Variants in PAPPA2 observed in about 807,000 individuals in gnomAD.
The protein encoded by PAPPA2 is pappalysin 2, also known as pappalysin-2.
A neutral mutation model predicts 176.4 loss-of-function variants in PAPPA2; 86 were observed. The observed-to-expected ratio is 0.49, with a 90% confidence interval of 0.41 to 0.58. The LOEUF (loss-of-function observed/expected upper bound fraction) is 0.58. PAPPA2 is among the 20% of genes least tolerant of loss of function. The pLI, the probability that PAPPA2 is intolerant of heterozygous loss-of-function variation, is 0.00. For synonymous variants in PAPPA2, 809 were observed against 852.2 expected (o/e 0.95, Z 0.88); for missense variants, 2,073 against 2,256.9 (o/e 0.92, Z 1.65).
At chr1:176,743,673 A>G (rs1662782998) in intron 14 of PAPPA2, among the ~76,000 whole-genome samples, 1 of 152,188 alleles carries the variant, frequency 6.6e-6, no homozygotes. Context: ...CCAATATGTT[A>G]ACATACCTAA....
chr1:176,609,891 G>A (rs527459780), intron 3 of PAPPA2, among the ~76,000 whole-genome samples: 28 of 152,288 alleles, frequency 1.8e-4, no homozygotes, highest in African/African-American at 6.7e-4. Flanking sequence ...TGGATTCAGT[G>A]GTGGATTTGA....
chr1:176,660,893 T>C (rs1658322874), intron 3 of PAPPA2, among the ~76,000 whole-genome samples: 2 of 152,160 alleles, frequency 1.3e-5, no homozygotes, highest in Non-Finnish European at 2.9e-5. Flanking sequence ...CTCACTAATT[T>C]ATAGTTTCCA....
At chr1:176,735,920 T>C (rs1662392560) in intron 12 of PAPPA2, among the ~76,000 whole-genome samples, 1 of 152,156 alleles carries the variant, frequency 6.6e-6, no homozygotes, top group Non-Finnish European at 1.5e-5. Flanking sequence ...CTACCTGATA[T>C]CTAGCTAAAG....
intron 2 of PAPPA2, among the ~76,000 whole-genome samples, chr1:176,588,075 C>G (rs1186798722): frequency 1.3e-5 from 2 of 152,200 alleles, no homozygotes; most frequent in South Asian, 2.1e-4. Context: ...TTTGTGTCCT[C>G]TCTTATATCC....
chr1:176,602,442 A>G (rs10798463), intron 3 of PAPPA2, among the ~76,000 whole-genome samples: 36,901 of 152,080 alleles, frequency 0.24, 4,498 homozygotes, highest in South Asian at 0.34. Context: ...GGAACAGGTG[A>G]AGAAGTTGAT....
chr1:176,636,042 C>A (rs996170583), intron 3 of PAPPA2, among the ~76,000 whole-genome samples: 2 of 150,814 alleles, frequency 1.3e-5, no homozygotes, highest in African/African-American at 4.9e-5. Context: ...CAGTAAATAA[C>A]ATGAAACAGC....
intron 12 of PAPPA2, 85 bp downstream of exon 12, chr1:176,712,066 G>A (rs534022257): frequency 7.0e-7 from 1 of 1,437,536 alleles, no homozygotes; most frequent in Non-Finnish European, 9.4e-7. Context: ...TGTAAATGGT[G>A]CATTTGGATG....
intron 21 of PAPPA2, among the ~76,000 whole-genome samples, chr1:176,821,958 T>C (rs1666682577): frequency 6.6e-6 from 1 of 152,214 alleles, no homozygotes; most frequent in Admixed American, 6.5e-5. Flanking sequence ...AGCATCAGGT[T>C]TGAAATCTAG....
rs187950455 is a variant in PAPPA2, at chr1:176,473,491, T to G, written c.-917+10073T>G. Among the ~76,000 whole-genome samples, 75 of 152,360 alleles carry G rather than the reference T, an allele frequency of 4.9e-4. No homozygotes were observed. The East Asian group carries it at 0.014, about 28-fold the overall frequency. On this transcript the variant is annotated intron_variant, in intron 1 of 22. Transcript: ENST00000367662. Reference sequence around the variant, plus strand: ...ATTGTGAATAAAGCTGCTATAAGCATCTGTGTGCCCATTTTTGTGTAGATG... The same window carrying G: ...ATTGTGAATAAAGCTGCTATAAGCAGCTGTGTGCCCATTTTTGTGTAGATG...
intron 3 of PAPPA2, among the ~76,000 whole-genome samples, chr1:176,632,528 C>CA (rs530773141): frequency 1.5e-4 from 23 of 150,752 alleles, no homozygotes; most frequent in African/African-American, 4.6e-4. Flanking sequence ...AACTCCGTCT[C>CA]AAAAAAAATA....
At chr1:176,629,070 A>C (rs1003012472) in intron 3 of PAPPA2, among the ~76,000 whole-genome samples, 2 of 152,212 alleles carry the variant, frequency 1.3e-5, no homozygotes, top group African/African-American at 4.8e-5. Flanking sequence ...CATTTACTCC[A>C]ATAACTCCCT....
intron 20 of PAPPA2, among the ~76,000 whole-genome samples, chr1:176,797,865 T>C (rs1195224463): frequency 5.9e-5 from 9 of 152,166 alleles, no homozygotes; most frequent in African/African-American, 9.7e-5. Flanking sequence ...CATATACATA[T>C]ATTTATAAAT....
At chr1:176,544,268 C>A (rs142495271) in intron 1 of PAPPA2, among the ~76,000 whole-genome samples, 1 of 152,156 alleles carries the variant, frequency 6.6e-6, no homozygotes, top group African/African-American at 2.4e-5. Flanking sequence ...CAAGTGTCAA[C>A]GCTTGCATAC....
chr1:176,725,154 AC>A (rs1553398538), intron 12 of PAPPA2, among the ~76,000 whole-genome samples: 1 of 152,170 alleles, frequency 6.6e-6, no homozygotes, highest in Non-Finnish European at 1.5e-5. Flanking sequence ...CTATATCTCA[AC>A]GAAATTATAT....
At chr1:176,775,194 T>C (rs890567419) in intron 17 of PAPPA2, among the ~76,000 whole-genome samples, 1 of 152,156 alleles carries the variant, frequency 6.6e-6, no homozygotes, top group Non-Finnish European at 1.5e-5. Flanking sequence ...GAATAGACCA[T>C]GAATATTTTG....
chr1:176,793,733 A>AT (rs1298405071), intron 20 of PAPPA2, 64 bp downstream of exon 20: 7 of 1,289,160 alleles, frequency 5.4e-6, no homozygotes, highest in Non-Finnish European at 1.1e-6. Context: ...TTGGAGCATT[A>AT]TTTTTTGGAG....
intron 20 of PAPPA2, among the ~76,000 whole-genome samples, chr1:176,794,807 T>A (rs1665354966): frequency 6.6e-6 from 1 of 152,136 alleles, no homozygotes. Context: ...TGTAAGGGTT[T>A]GAAGTTTTCA....
intron 4 of PAPPA2, among the ~76,000 whole-genome samples, chr1:176,676,867 T>C (rs1337771021): frequency 1.3e-5 from 2 of 152,250 alleles, no homozygotes. Flanking sequence ...AAGGTATAGT[T>C]GAGTAAATGT....
intron 1 of PAPPA2, among the ~76,000 whole-genome samples, chr1:176,486,012 G>C (rs1393553163): frequency 6.6e-6 from 1 of 152,196 alleles, no homozygotes; most frequent in Non-Finnish European, 1.5e-5. Flanking sequence ...ATATATGGAA[G>C]AAACTAATGG....
Sources: gnomAD v4.1 joint callset for allele counts (sites outside exome capture counted in the v4.1 genomes callset) on GRCh38, gnomAD v4.1.1 for gene constraint, MANE v1.5 for transcripts, NCBI Gene and HGNC (gene_info 2026-07-23, HGNC 2026-07-21) for gene names.